The following RSU1 variants were observed in gnomAD, a reference collection of about 807,000 sequenced individuals.
RSU1 encodes rsu-1.
In RSU1, 26 loss-of-function variants were observed where a neutral mutation model predicts 31.1. That is an observed-to-expected ratio of 0.84 (90% CI 0.61 to 1.16). The LOEUF (loss-of-function observed/expected upper bound fraction) is 1.16. Ranked by LOEUF, RSU1 falls within the 50% of genes most tolerant of loss-of-function variation. The probability of loss-of-function intolerance (pLI) is 0.00; values close to 1 mark genes in which losing one functional copy is unlikely to be tolerated. For missense variants in RSU1, 320 were observed against 339.1 expected (o/e 0.94, Z 0.44); for synonymous variants, 164 against 136.3 (o/e 1.20, Z -1.41).
chr10:16,595,455 G>C (rs898670645), intron 8 of RSU1, among the ~76,000 whole-genome samples: 25 of 152,184 alleles, frequency 1.6e-4, no homozygotes, highest in African/African-American at 6.0e-4. Flanking sequence ...GCTGGCCAGA[G>C]ACAGACCTAC....
chr10:16,648,082 G>A (rs1834604850), intron 8 of RSU1, among the ~76,000 whole-genome samples: 1 of 150,496 alleles, frequency 6.6e-6, no homozygotes, highest in African/African-American at 2.4e-5. Context: ...CCAAGTAGCT[G>A]AGACTACAGT....
intron 2 of RSU1, among the ~76,000 whole-genome samples, chr10:16,805,917 T>C (rs937928198): frequency 4.6e-5 from 7 of 152,252 alleles, no homozygotes; most frequent in African/African-American, 1.7e-4. Flanking sequence ...CCTTGCATTC[T>C]GTTATGTATT....
intron 7 of RSU1, among the ~76,000 whole-genome samples, chr10:16,711,182 T>C (rs887847709): frequency 6.6e-6 from 1 of 152,224 alleles, no homozygotes; most frequent in African/African-American, 2.4e-5. Flanking sequence ...TTCCATATTA[T>C]CAAATTTGTT....
intron 8 of RSU1, among the ~76,000 whole-genome samples, chr10:16,605,480 A>G (rs1020822523): frequency 1.3e-5 from 2 of 152,152 alleles, no homozygotes; most frequent in Non-Finnish European, 2.9e-5. Flanking sequence ...ATGGATCCCA[A>G]CTGGATCATT....
At chr10:16,685,894 T>C (rs76244888) in intron 8 of RSU1, among the ~76,000 whole-genome samples, 188 of 152,184 alleles carry the variant, frequency 1.2e-3, no homozygotes, top group African/African-American at 4.3e-3. Flanking sequence ...TTTTAAAAAA[T>C]ATCAAGAGTC....
chr10:16,771,371 A>C (rs778887907), intron 3 of RSU1, among the ~76,000 whole-genome samples: 5 of 152,234 alleles, frequency 3.3e-5, no homozygotes, highest in Non-Finnish European at 7.3e-5. Flanking sequence ...ACTAGATGAA[A>C]TATGACATGG....
intron 8 of RSU1, among the ~76,000 whole-genome samples, chr10:16,676,272 G>GTTC: frequency 6.6e-6 from 1 of 152,184 alleles, no homozygotes; most frequent in East Asian, 1.9e-4. Flanking sequence ...TGGACTCACA[G>GTTC]TTCTGCATGG....
chr10:16,797,832 CAG>C (rs1339762415), intron 2 of RSU1, among the ~76,000 whole-genome samples: 3 of 146,832 alleles, frequency 2.0e-5, no homozygotes, highest in Non-Finnish European at 4.5e-5. Context: ...TTACAAGAAA[CAG>C]AAGTTAAAGT....
intron 8 of RSU1, among the ~76,000 whole-genome samples, chr10:16,660,266 A>T (rs753399500): frequency 6.6e-6 from 1 of 152,208 alleles, no homozygotes; most frequent in Non-Finnish European, 1.5e-5. Flanking sequence ...CCCAGTGTGC[A>T]TCAGGGCCAC....
chr10:16,654,959 G>T (rs1419744049), intron 8 of RSU1, among the ~76,000 whole-genome samples: 1 of 151,186 alleles, frequency 6.6e-6, no homozygotes, highest in East Asian at 1.9e-4. Flanking sequence ...AGCTACTCAG[G>T]AGGCTGAGGT....
At chr10:16,611,261 G>C (rs533393398) in intron 8 of RSU1, among the ~76,000 whole-genome samples, 13 of 152,310 alleles carry the variant, frequency 8.5e-5, no homozygotes, top group African/African-American at 3.1e-4. Flanking sequence ...CCATTGCCAG[G>C]GAAGACGGGC....
chr10:16,784,762 T>C (rs1837735144), intron 2 of RSU1, among the ~76,000 whole-genome samples: 1 of 152,134 alleles, frequency 6.6e-6, no homozygotes, highest in African/African-American at 2.4e-5. Context: ...GTGAGACTTA[T>C]TCACTATAAC....
chr10:16,711,385 T>C (rs1356263296), intron 7 of RSU1, among the ~76,000 whole-genome samples: 2 of 152,190 alleles, frequency 1.3e-5, no homozygotes, highest in Non-Finnish European at 2.9e-5. Flanking sequence ...TTAATTTGTC[T>C]TTATTTCTTC....
intron 8 of RSU1, among the ~76,000 whole-genome samples, chr10:16,682,220 T>A (rs1011176858): frequency 2.0e-5 from 3 of 152,014 alleles, no homozygotes; most frequent in African/African-American, 7.2e-5. Flanking sequence ...CTCAGAGGCG[T>A]TCGAACCAGA....
intron 7 of RSU1, among the ~76,000 whole-genome samples, chr10:16,736,167 C>T (rs980694223): frequency 1.3e-5 from 2 of 152,132 alleles, no homozygotes; most frequent in African/African-American, 4.8e-5. Context: ...CACAGGAATT[C>T]CCATGAATCT....
At chr10:16,602,797 T>C (rs1833734095) in intron 8 of RSU1, among the ~76,000 whole-genome samples, 1 of 152,172 alleles carries the variant, frequency 6.6e-6, no homozygotes, top group Non-Finnish European at 1.5e-5. Flanking sequence ...AGAAAAATAA[T>C]TTTGCTTCTA....
At chr10:16,650,900 T>C (rs899194786) in intron 8 of RSU1, among the ~76,000 whole-genome samples, 3 of 152,188 alleles carry the variant, frequency 2.0e-5, no homozygotes, top group African/African-American at 2.4e-5. Flanking sequence ...TCAATGTTTT[T>C]ATCCAAAAAG....
At position 16,697,083 on chromosome 10, in the gene RSU1, G is replaced by A. The variant is rs1835690876; in HGVS notation, c.599-1928C>T. On this transcript the variant is annotated intron_variant, in intron 7 of 8. Coordinates refer to ENST00000345264, the MANE Select transcript of RSU1 (RefSeq NM_012425.4). Reference sequence around the variant, plus strand: ...CTTTAAAAACAAGTCTATTTCTGATGTGTCGTATTTTATGTGCACGATGGT... The same window carrying A: ...CTTTAAAAACAAGTCTATTTCTGATATGTCGTATTTTATGTGCACGATGGT... 1.3e-5 allele frequency among the ~76,000 whole-genome samples: 2 copies of A among 151,938 alleles called. 1 individual carries two copies. The highest frequency in any genetic ancestry group is 4.2e-4 in the South Asian group (2 of 4,816).
rs1178701370 is a variant in RSU1 at position 16,593,226 on chromosome 10, C to G, written c.*168G>C. 2.1e-5 allele frequency: 28 copies of G among 1,309,250 alleles called. No individual in the cohort carries two copies. The South Asian group carries it at 4.5e-4, about 21-fold the overall frequency. 81.1% of individuals were successfully genotyped at this position (1,309,250 alleles called of 1,614,324 possible). On this transcript the variant is annotated 3_prime_UTR_variant, in exon 9 of 9. Coordinates refer to ENST00000345264, the MANE Select transcript of RSU1 (RefSeq NM_012425.4). ...TAAAGACCTTATAACAATCTCCCAC[C>G]TAGCAAAAGAATCTAAAAGGTAAGG...
Sources: allele counts gnomAD v4.1 joint callset (sites outside exome capture counted in the v4.1 genomes callset), GRCh38; gene constraint gnomAD v4.1.1; transcripts MANE v1.5; gene names NCBI Gene and HGNC (gene_info 2026-07-23, HGNC 2026-07-21).